NECAB1: variants seen among roughly 807,000 people sequenced by gnomAD.
The protein encoded by NECAB1 is N-terminal EF-hand calcium-binding protein 1.
NECAB1 carries 29 observed loss-of-function variants against 57.5 expected under a neutral mutation model. The observed-to-expected ratio is 0.50, with a 90% CI of 0.38 to 0.69. The LOEUF (loss-of-function observed/expected upper bound fraction) is 0.69. NECAB1 is among the 30% of genes least tolerant of loss of function. The pLI, the probability that NECAB1 is intolerant of heterozygous loss-of-function variation, is 0.00. For missense variants in NECAB1, 372 were observed against 413.8 expected, an observed-to-expected ratio of 0.90 and a Z score of 0.88; for synonymous variants, 142 against 147.7, an observed-to-expected ratio of 0.96 and a Z score of 0.28.
chr8:90,829,847 G>A (rs545586995), intron 3 of NECAB1, among the ~76,000 whole-genome samples: 55 of 152,072 alleles, frequency 3.6e-4, no homozygotes, highest in Non-Finnish European at 5.4e-4. Context: ...CTGTAGGGCC[G>A]TTCAGAATAT....
chr8:90,928,782 C>T lies in NECAB1; in HGVS notation c.693+483C>T, dbSNP rs374978215. ...AACTTCTGGAAATTAGCACATTAAC[C>T]GATGGTTTGCTATTAAAACTATCTA... On this transcript the variant is annotated intron_variant, in intron 8 of 12. Coordinates refer to ENST00000417640, the MANE Select transcript of NECAB1 (RefSeq NM_022351.5). 1.6e-4 allele frequency among the ~76,000 whole-genome samples: 25 copies of T among 152,192 alleles called. No individual in the cohort carries two copies. The South Asian group carries it at 2.1e-3, about 13-fold the overall frequency.
chr8:90,934,591 A>G (rs998679973), intron 9 of NECAB1, among the ~76,000 whole-genome samples: 4 of 152,188 alleles, frequency 2.6e-5, no homozygotes, highest in Non-Finnish European at 4.4e-5. Context: ...AATTTTATAC[A>G]TGTATAAATC....
At chr8:90,809,089 TG>T (rs766295061) in intron 2 of NECAB1, among the ~76,000 whole-genome samples, 2 of 152,210 alleles carry the variant, frequency 1.3e-5, no homozygotes, top group Non-Finnish European at 2.9e-5. Flanking sequence ...GTTCTGCCTT[TG>T]CCCTGGTCAT....
chr8:90,915,849 G>A (rs559187372), intron 5 of NECAB1, among the ~76,000 whole-genome samples: 1 of 152,302 alleles, frequency 6.6e-6, no homozygotes, highest in Admixed American at 6.5e-5. Context: ...CAAAGAACTT[G>A]GAGTCTGATA....
Position 90,844,346 on chromosome 8 carries a change from T to A in NECAB1, c.233+19521T>A, listed in dbSNP as rs112457720. Among the ~76,000 whole-genome samples the A allele has an allele frequency of 5.9e-5, 9 of 152,270 alleles. 1 individual carries two copies. The highest frequency in any genetic ancestry group is 1.9e-4 in the African/African-American group (8 of 41,548). On this transcript the variant is annotated intron_variant, in intron 3 of 12. Transcript: ENST00000417640. Reference sequence around the variant, plus strand: ...TCCAGCCCTTTTCAAGTCTGCCAGCTCCCTCTGTGATGTTACCACTGCTCT... The same window carrying A: ...TCCAGCCCTTTTCAAGTCTGCCAGCACCCTCTGTGATGTTACCACTGCTCT...
chr8:90,809,910 A>G (rs1811926960), intron 2 of NECAB1, among the ~76,000 whole-genome samples: 1 of 152,226 alleles, frequency 6.6e-6, no homozygotes, highest in African/African-American at 2.4e-5. Flanking sequence ...AAAATATTAC[A>G]GTAATAACAG....
intron 8 of NECAB1, among the ~76,000 whole-genome samples, chr8:90,929,775 A>G (rs1810363033): frequency 6.6e-6 from 1 of 152,132 alleles, no homozygotes; most frequent in African/African-American, 2.4e-5. Flanking sequence ...AATATTTGCT[A>G]TGGAGAAGTA....
intron 1 of NECAB1, among the ~76,000 whole-genome samples, chr8:90,795,055 G>A (rs1482960697): frequency 6.6e-6 from 1 of 152,194 alleles, no homozygotes; most frequent in African/African-American, 2.4e-5. Flanking sequence ...CTGGGTCCTG[G>A]CAACACATAG....
chr8:90,943,437 C>T (rs1810723459), intron 10 of NECAB1, among the ~76,000 whole-genome samples: 1 of 152,210 alleles, frequency 6.6e-6, no homozygotes, highest in Non-Finnish European at 1.5e-5. Flanking sequence ...GGAATCACTA[C>T]ACCCATATGG....
intron 5 of NECAB1, among the ~76,000 whole-genome samples, chr8:90,888,484 CCTGA>C: frequency 6.6e-6 from 1 of 152,012 alleles, no homozygotes; most frequent in Non-Finnish European, 1.5e-5. Flanking sequence ...ATTTCTTTTG[CCTGA>C]AGTGGAAAAG....
chr8:90,904,751 T>G (rs548003672), intron 5 of NECAB1, among the ~76,000 whole-genome samples: 33 of 152,186 alleles, frequency 2.2e-4, no homozygotes, highest in African/African-American at 7.7e-4. Context: ...AGAACATGTA[T>G]AGAAACCTAA....
chr8:90,896,080 G>C (rs545765303), intron 5 of NECAB1, among the ~76,000 whole-genome samples: 190 of 152,224 alleles, frequency 1.2e-3, no homozygotes, highest in Non-Finnish European at 2.2e-3. Flanking sequence ...ACTTATTCTT[G>C]TCGGGTGCTG....
chr8:90,845,815 A>C (rs1285686037), intron 3 of NECAB1, among the ~76,000 whole-genome samples: 2 of 152,172 alleles, frequency 1.3e-5, no homozygotes, highest in East Asian at 1.9e-4. Flanking sequence ...TTATAGAAAA[A>C]ATTTTCCAAA....
intron 2 of NECAB1, among the ~76,000 whole-genome samples, chr8:90,807,401 A>G (rs1327460139): frequency 6.6e-6 from 1 of 152,192 alleles, no homozygotes; most frequent in Non-Finnish European, 1.5e-5. Context: ...CTTGAGTAGA[A>G]GCTGGAACAA....
chr8:90,947,765 T>C (rs1810845746), intron 10 of NECAB1, among the ~76,000 whole-genome samples: 1 of 152,234 alleles, frequency 6.6e-6, no homozygotes, highest in Non-Finnish European at 1.5e-5. Context: ...GAAACCGAGG[T>C]TGAGTATTGG....
intron 8 of NECAB1, among the ~76,000 whole-genome samples, chr8:90,933,274 C>A (rs1810452695): frequency 1.3e-5 from 2 of 152,086 alleles, no homozygotes; most frequent in Admixed American, 6.6e-5. Context: ...AGAACTTGCA[C>A]ACACATGTTT....
chr8:90,852,731 ACAGT>A (rs941317909), intron 3 of NECAB1, among the ~76,000 whole-genome samples: 8 of 152,282 alleles, frequency 5.3e-5, no homozygotes, highest in African/African-American at 1.9e-4. Context: ...CTGGCCAAAG[ACAGT>A]CAGACTTTGG....
chr8:90,953,807 G>A (rs1434499194), intron 12 of NECAB1, among the ~76,000 whole-genome samples: 1 of 152,122 alleles, frequency 6.6e-6, no homozygotes, highest in Non-Finnish European at 1.5e-5. Context: ...TATGGCTCAC[G>A]CCTGTAATCC....
intron 1 of NECAB1, among the ~76,000 whole-genome samples, chr8:90,792,218 C>G (rs1811587295): frequency 6.6e-6 from 1 of 152,226 alleles, no homozygotes; most frequent in Admixed American, 6.5e-5. Flanking sequence ...GTTAGATTTT[C>G]CAACAGGCTG....
Sources: gnomAD v4.1 joint callset for allele counts (sites outside exome capture counted in the v4.1 genomes callset) on GRCh38, gnomAD v4.1.1 for gene constraint, MANE v1.5 for transcripts, NCBI Gene and HGNC (gene_info 2026-07-23, HGNC 2026-07-21) for gene names.